Variants in AR observed in about 807,000 individuals in gnomAD.
AR encodes androgen receptor.
AR carries 8 observed loss-of-function variants against 53.9 expected under a neutral mutation model. That is an observed-to-expected ratio of 0.15 (90% CI 0.09 to 0.27). The LOEUF (loss-of-function observed/expected upper bound fraction) is 0.27. Among genes scored for constraint, AR ranks in the 10% least tolerant of loss-of-function variants. The pLI is 1.00. For missense variants in AR, 639 were observed against 742.5 expected (o/e 0.86, Z 1.62); for synonymous variants, 359 against 316.4 (o/e 1.13, Z -1.43).
intron 1 of AR, among the ~76,000 whole-genome samples, chrX:67,632,333 A>G (rs1476425473): frequency 1.8e-5 from 2 of 112,602 alleles, no homozygotes; most frequent in Non-Finnish European, 3.8e-5. Flanking sequence ...GCGGGATATA[A>G]TCTCCTGGTG....
rs1929648792 is a variant in AR at position 67,545,308 on chromosome X, G to C, written c.162G>C (p.Leu54Phe). ...AASAAPPGAS[L>F]LLLQQQQQQQ... Reference sequence around the variant, plus strand: ...GCGCAGCACCTCCCGGCGCCAGTTTGCTGCTGCTGCAGCAGCAGCAGCAGC... The same window carrying C: ...GCGCAGCACCTCCCGGCGCCAGTTTCCTGCTGCTGCAGCAGCAGCAGCAGC... The change falls in exon 1 of 8, where the codon TTG becomes TTC. Residue 54 changes from leucine to phenylalanine, a missense_variant. Coordinates refer to ENST00000374690, the MANE Select transcript of AR (RefSeq NM_000044.6). 8.5e-7 allele frequency: 1 copy of C among 1,183,369 alleles called. No individual in the cohort carries two copies.
intron 2 of AR, among the ~76,000 whole-genome samples, chrX:67,646,323 G>A (rs1299197779): frequency 9.0e-6 from 1 of 111,040 alleles, no homozygotes; most frequent in Non-Finnish European, 1.9e-5. Context: ...TAATGTTGGA[G>A]AATTGGGGTG....
At chrX:67,621,662 T>A (rs1222062444) in intron 1 of AR, among the ~76,000 whole-genome samples, 1 of 111,428 alleles carries the variant, frequency 9.0e-6, no homozygotes, top group African/African-American at 3.3e-5. Flanking sequence ...TCCAGTTTCA[T>A]CCATGTTCTT....
At chrX:67,642,661 A>G (rs1925843493) in intron 1 of AR, among the ~76,000 whole-genome samples, 2 of 111,946 alleles carry the variant, frequency 1.8e-5, no homozygotes, top group South Asian at 7.5e-4. Flanking sequence ...GGGAAAAAAA[A>G]GAACAAGACT....
At chrX:67,558,228 G>C (rs888258236) in intron 1 of AR, among the ~76,000 whole-genome samples, 2 of 112,277 alleles carry the variant, frequency 1.8e-5, no homozygotes, top group Non-Finnish European at 3.8e-5. Context: ...TCCATACTGA[G>C]AACAAAGAAT....
At chrX:67,557,090 A>G (rs1392823914) in intron 1 of AR, among the ~76,000 whole-genome samples, 1 of 109,703 alleles carries the variant, frequency 9.1e-6, no homozygotes, top group Non-Finnish European at 1.9e-5. Flanking sequence ...ACTCTGATAT[A>G]TTATACGTTT....
chrX:67,599,803 T>G (rs1923261836), intron 1 of AR, among the ~76,000 whole-genome samples: 1 of 112,492 alleles, frequency 8.9e-6, no homozygotes, highest in Non-Finnish European at 1.9e-5. Context: ...TGTTTTTTAT[T>G]TATTTTTAAA....
chrX:67,633,691 A>G (rs1384838510), intron 1 of AR, among the ~76,000 whole-genome samples: 1 of 111,910 alleles, frequency 8.9e-6, no homozygotes, highest in African/African-American at 3.2e-5. Flanking sequence ...AAATGGAAAA[A>G]CAAAATGTGG....
chrX:67,606,564 A>G (rs1240351727), intron 1 of AR, among the ~76,000 whole-genome samples: 1 of 112,156 alleles, frequency 8.9e-6, no homozygotes, highest in Non-Finnish European at 1.9e-5. Flanking sequence ...AAAACTTTTT[A>G]CCCTTTGAAG....
intron 1 of AR, among the ~76,000 whole-genome samples, chrX:67,628,694 A>G (rs1031881589): frequency 9.0e-6 from 1 of 111,073 alleles, no homozygotes; most frequent in African/African-American, 3.3e-5. Flanking sequence ...GTGGTGAGAG[A>G]GGGCATCCCT....
In AR at chrX:67,709,073, G is replaced by T. The variant is rs185383995; in HGVS notation, c.1886-2329G>T. Among the ~76,000 whole-genome samples the T allele has an allele frequency of 8.3e-4, 93 of 112,186 alleles. No individual in the cohort carries two copies. In the Middle Eastern group the frequency reaches 0.023, roughly 28 times the overall value. ...CTACTGGTGGGTGTCTCCCAGTTAG[G>T]CTACTCGGGGGTCAGGGAGCCACTT... On this transcript the variant is annotated intron_variant, in intron 3 of 7. Transcript: ENST00000374690.
chrX:67,610,030 T>C (rs1332396851), intron 1 of AR, among the ~76,000 whole-genome samples: 1 of 111,675 alleles, frequency 9.0e-6, no homozygotes, highest in East Asian at 2.8e-4. Flanking sequence ...TAACCTGTAA[T>C]GAAACAAACA....
At chrX:67,717,389 A>G in intron 4 of AR, 89 bp from the exon 5 acceptor site, 1 of 1,139,890 alleles carries the variant, frequency 8.8e-7, no homozygotes. Context: ...ATGCCCGAAT[A>G]CCAGAGCATC....
In AR at chrX:67,713,547, T is replaced by C. The variant is rs764111566; in HGVS notation, c.2173+1858T>C. 6.3e-5 allele frequency among the ~76,000 whole-genome samples: 7 copies of C among 111,914 alleles called. No homozygotes were observed. In the East Asian group the frequency reaches 2.0e-3, roughly 31 times the overall value. On this transcript the variant is annotated intron_variant, in intron 4 of 7. Coordinates refer to ENST00000374690, the MANE Select transcript of AR (RefSeq NM_000044.6). ...AGCTTTTTCATATATATGATCCCAC[T>C]TAATCTTTACAACAATTCTATGAAT...
intron 1 of AR, among the ~76,000 whole-genome samples, chrX:67,580,387 T>C (rs1290813149): frequency 2.7e-5 from 3 of 112,013 alleles, no homozygotes. Flanking sequence ...TTCCTTATTA[T>C]GGCCCTTCAT....
intron 1 of AR, among the ~76,000 whole-genome samples, chrX:67,601,200 A>G (rs1923338740): frequency 8.9e-6 from 1 of 112,302 alleles, no homozygotes; most frequent in African/African-American, 3.2e-5. Flanking sequence ...TTGTGTTTTT[A>G]AAATAAATTA....
At chrX:67,630,098 A>G (rs1449434527) in intron 1 of AR, among the ~76,000 whole-genome samples, 1 of 111,203 alleles carries the variant, frequency 9.0e-6, no homozygotes, top group Admixed American at 9.6e-5. Flanking sequence ...GTGGTGCTGA[A>G]AAAAATGTAT....
Position 67,546,969 on chromosome X carries a change from C to T in AR, c.1616+207C>T, listed in dbSNP as rs184439623. On this transcript the variant is annotated intron_variant, in intron 1 of 7. Coordinates refer to ENST00000374690, the MANE Select transcript of AR (RefSeq NM_000044.6). ...TAATTTCTGCTGCGTGCCCTGGGTG[C>T]TGATTCCTGCCCTCCCAGATTCTTC... Among the ~76,000 whole-genome samples, 98 of 110,359 alleles carry T rather than the reference C, an allele frequency of 8.9e-4. 1 individual carries two copies. Among genetic ancestry groups the T allele is most frequent in the African/African-American group, 3.2e-3 (96 of 30,258 alleles).
chrX:67,551,793 T>G (rs1246463324), intron 1 of AR, among the ~76,000 whole-genome samples: 1 of 111,907 alleles, frequency 8.9e-6, no homozygotes, highest in Non-Finnish European at 1.9e-5. Flanking sequence ...TCTTAAGGAC[T>G]TCTCTCAGTA....
Sources: gnomAD v4.1 joint callset for allele counts (sites outside exome capture counted in the v4.1 genomes callset) on GRCh38, gnomAD v4.1.1 for gene constraint, MANE v1.5 for transcripts, NCBI Gene and HGNC (gene_info 2026-07-23, HGNC 2026-07-21) for gene names.